The following ADGRL2 variants were observed in gnomAD, a reference collection of about 807,000 sequenced individuals.
ADGRL2 encodes the protein adhesion G protein-coupled receptor L2.
ADGRL2 carries 44 observed loss-of-function variants against 157.4 expected under a neutral mutation model. The observed-to-expected ratio is 0.28, with a 90% CI of 0.22 to 0.36. ADGRL2 has a LOEUF of 0.36. Ranked by LOEUF, ADGRL2 falls within the 10% of genes least tolerant of loss-of-function variation. The pLI is 1.00. For synonymous variants in ADGRL2, 585 were observed against 624.7 expected, an observed-to-expected ratio of 0.94 and a Z score of 0.95; for missense variants, 1,510 against 1,768.9, an observed-to-expected ratio of 0.85 and a Z score of 2.63.
rs77301236 is a variant in ADGRL2, at chr1:81,953,249, C to T, written c.1833+224C>T. ...GTTTTTCCATTCATCCAAAAGTACA[C>T]GAATTTTAATGAAATATCCTCTTAA... On this transcript the variant is annotated intron_variant, in intron 10 of 23. Coordinates refer to ENST00000686636, the MANE Select transcript of ADGRL2 (RefSeq NM_001366006.2). Among the ~76,000 whole-genome samples the T allele has an allele frequency of 5.8e-4, 88 of 152,106 alleles. No homozygotes were observed. The East Asian group carries it at 0.016, about 28-fold the overall frequency.
chr1:81,565,666 G>A (rs2148472584), intron 2 of ADGRL2, among the ~76,000 whole-genome samples: 1 of 152,274 alleles, frequency 6.6e-6, no homozygotes, highest in East Asian at 1.9e-4. Context: ...TTGTGTGTGT[G>A]TCTTTGACTT....
intron 2 of ADGRL2, among the ~76,000 whole-genome samples, chr1:81,543,950 TG>T (rs1162372754): frequency 6.6e-6 from 1 of 152,194 alleles, no homozygotes; most frequent in Admixed American, 6.5e-5. Context: ...TCTGTCTGCT[TG>T]GCAGAGCCTT....
At chr1:81,775,517 G>T (rs1485811500) in intron 2 of ADGRL2, among the ~76,000 whole-genome samples, 1 of 151,872 alleles carries the variant, frequency 6.6e-6, no homozygotes, top group African/African-American at 2.4e-5. Flanking sequence ...TATAATCTGG[G>T]GAGATCAAAA....
intron 2 of ADGRL2, among the ~76,000 whole-genome samples, chr1:81,453,161 GA>G (rs759611201): frequency 2.0e-5 from 3 of 152,122 alleles, no homozygotes; most frequent in Non-Finnish European, 4.4e-5. Flanking sequence ...TACATTGGGG[GA>G]AAAAATCTGT....
At chr1:81,868,048 C>CTG (rs142166326) in intron 2 of ADGRL2, among the ~76,000 whole-genome samples, 4 of 129,046 alleles carry the variant, frequency 3.1e-5, no homozygotes, top group Non-Finnish European at 6.4e-5. Flanking sequence ...TTGGGCAAGG[C>CTG]TGTGTGTGTG....
chr1:81,952,686 A>G (rs891171111), intron 9 of ADGRL2, among the ~76,000 whole-genome samples: 3 of 152,160 alleles, frequency 2.0e-5, no homozygotes, highest in African/African-American at 2.4e-5. Context: ...TTAGGTTCAT[A>G]GGAACCCAAA....
chr1:81,432,417 G>C (rs1377739527), intron 1 of ADGRL2, among the ~76,000 whole-genome samples: 2 of 152,322 alleles, frequency 1.3e-5, no homozygotes, highest in East Asian at 1.9e-4. Flanking sequence ...CAGTGCGTAT[G>C]CAGGAAACAA....
chr1:81,846,987 G>T lies in ADGRL2; in HGVS notation c.73+9930G>T, dbSNP rs1321983640. 4.1e-4 allele frequency among the ~76,000 whole-genome samples: 59 copies of T among 143,848 alleles called. No homozygotes were observed. The East Asian group carries it at 0.011, about 26-fold the overall frequency. 94.4% of individuals were successfully genotyped at this position (143,848 alleles called of 152,430 possible). On this transcript the variant is annotated intron_variant, in intron 2 of 23. Transcript: ENST00000686636. ...CCTTGTTTAAGGAAAGTGTTTTGTTGTTTTTTTTTTTTTACAGTTTTCTTG... is the reference window on the plus strand; with the variant it reads ...CCTTGTTTAAGGAAAGTGTTTTGTTTTTTTTTTTTTTTTACAGTTTTCTTG...
intron 1 of ADGRL2, among the ~76,000 whole-genome samples, chr1:81,436,778 CTTG>C (rs1243872382): frequency 6.6e-6 from 1 of 152,212 alleles, no homozygotes; most frequent in East Asian, 1.9e-4. Context: ...AGGAGAAACT[CTTG>C]TTGTCACCTA....
intron 2 of ADGRL2, 47 bp downstream of exon 2, chr1:81,837,104 A>G (rs1261293035): frequency 9.2e-7 from 1 of 1,084,372 alleles, no homozygotes; most frequent in Non-Finnish European, 1.4e-6. Context: ...GAGAACTTGA[A>G]CTATACAATC....
chr1:81,688,293 T>G (rs888402531), intron 3 of ADGRL2, among the ~76,000 whole-genome samples: 2 of 152,172 alleles, frequency 1.3e-5, no homozygotes, highest in South Asian at 4.1e-4. Flanking sequence ...CTCTTCTTCC[T>G]CAGGAAAACC....
rs147469273 is a variant in ADGRL2, at chr1:81,593,812, T to A, written c.-143+12832T>A. ...AAGCAAAAACCATTAAAAAAGAGTA[T>A]CTCTATCCACATCTGAGATGATTAT... is the stretch of plus-strand genomic sequence containing the variant. On this transcript the variant is annotated intron_variant, in intron 3 of 24. Transcript: ENST00000370721. 4.2e-4 allele frequency among the ~76,000 whole-genome samples: 64 copies of A among 152,238 alleles called. 5 individuals carry two copies. In the East Asian group the frequency reaches 0.012, roughly 28 times the overall value.
At chr1:81,832,544 C>G (rs74832367) in intron 1 of ADGRL2, among the ~76,000 whole-genome samples, 2 of 152,072 alleles carry the variant, frequency 1.3e-5, no homozygotes, top group Non-Finnish European at 2.9e-5. Flanking sequence ...GTCTGCGAAA[C>G]GAAGAAATTT....
intron 1 of ADGRL2, among the ~76,000 whole-genome samples, chr1:81,383,825 A>AAAAAG (rs773227675): frequency 4.2e-5 from 6 of 143,988 alleles, no homozygotes; most frequent in Admixed American, 7.0e-5. Context: ...AAAAAAAAAA[A>AAAAAG]AGAGAGCCGG....
intron 2 of ADGRL2, among the ~76,000 whole-genome samples, chr1:81,567,680 G>A (rs2148481539): frequency 6.6e-6 from 1 of 152,140 alleles, no homozygotes; most frequent in South Asian, 2.1e-4. Flanking sequence ...TGTCCGCTGT[G>A]TTTGGAATGA....
chr1:81,502,833 C>G lies in ADGRL2; in HGVS notation c.-248+57744C>G, dbSNP rs1361194517. On this transcript the variant is annotated intron_variant, in intron 2 of 24. Transcript: ENST00000370721. ...CTGCGGCTACTGCTGCTGCCGCTGC[C>G]GAGGCCCCTGCCCTCCTCTCCCCAC... 15 of 1,612,506 alleles carry G rather than the reference C, an allele frequency of 9.3e-6. No individual in the cohort carries two copies. The South Asian group carries it at 1.3e-4, about 14-fold the overall frequency.
intron 2 of ADGRL2, among the ~76,000 whole-genome samples, chr1:81,461,963 A>G (rs4268390): frequency 0.11 from 15,875 of 146,702 alleles, 1,161 homozygotes; most frequent in African/African-American, 0.17. Context: ...AGAGAGAGAC[A>G]AAGGAAGGGA....
intron 1 of ADGRL2, among the ~76,000 whole-genome samples, chr1:81,830,369 A>G (rs1203764242): frequency 6.6e-6 from 1 of 152,220 alleles, no homozygotes; most frequent in Non-Finnish European, 1.5e-5. Context: ...CAAGAAATGT[A>G]AGTTTAGATA....
chr1:81,702,591 C>T (rs1249457624), intron 1 of ADGRL2, among the ~76,000 whole-genome samples: 4 of 152,300 alleles, frequency 2.6e-5, no homozygotes, highest in Middle Eastern at 3.4e-3. Flanking sequence ...GCTCAAACAA[C>T]TTTTCCTTAT....
Sources: allele counts gnomAD v4.1 joint callset (sites outside exome capture counted in the v4.1 genomes callset), GRCh38; gene constraint gnomAD v4.1.1; transcripts MANE v1.5; gene names NCBI Gene and HGNC (gene_info 2026-07-23, HGNC 2026-07-21).